The following NRXN1 variants were observed in gnomAD, a reference collection of about 807,000 sequenced individuals.
The protein encoded by NRXN1 is neurexin 1.
A neutral mutation model predicts 150.9 loss-of-function variants in NRXN1; 39 were observed. That is an observed-to-expected ratio of 0.26 (90% CI 0.20 to 0.34). The LOEUF (loss-of-function observed/expected upper bound fraction) is 0.34, where lower values mean the gene tolerates loss of function less well. Among genes scored for constraint, NRXN1 ranks in the 10% least tolerant of loss-of-function variants. The pLI is 1.00. For missense variants in NRXN1, 1,815 were observed against 1,949.9 expected, an observed-to-expected ratio of 0.93 and a Z score of 1.30; for synonymous variants, 924 against 757.0, an observed-to-expected ratio of 1.22 and a Z score of -3.62.
At chr2:50,244,280 T>C (rs1195690541) in intron 17 of NRXN1, among the ~76,000 whole-genome samples, 1 of 151,862 alleles carries the variant, frequency 6.6e-6, no homozygotes, top group Non-Finnish European at 1.5e-5. Context: ...TGACCTATCT[T>C]GTCAATATCC....
intron 15 of NRXN1, among the ~76,000 whole-genome samples, chr2:50,475,868 C>G (rs375517222): frequency 1.0e-5 from 1 of 97,614 alleles, no homozygotes; most frequent in Non-Finnish European, 2.1e-5. Flanking sequence ...CTTGAAGTGA[C>G]GGGTTTAAAA....
Position 50,971,342 on chromosome 2 carries a change from T to C in NRXN1, c.773-45387A>G, listed in dbSNP as rs556413688. On this transcript the variant is annotated intron_variant, in intron 2 of 22. Coordinates refer to ENST00000401669, the MANE Select transcript of NRXN1 (RefSeq NM_001330078.2). ...GCTCACACCTGTAATCCCAGCACTTTGGGAGGCCACAGTGGGCGGATCACA... is the reference window on the plus strand; with the variant it reads ...GCTCACACCTGTAATCCCAGCACTTCGGGAGGCCACAGTGGGCGGATCACA... Among the ~76,000 whole-genome samples, 43 of 152,226 alleles carry C rather than the reference T, an allele frequency of 2.8e-4. 1 individual carries two copies. The South Asian group carries it at 8.7e-3, about 31-fold the overall frequency.
At chr2:50,361,866 C>T (rs1161265855) in intron 17 of NRXN1, among the ~76,000 whole-genome samples, 1 of 152,158 alleles carries the variant, frequency 6.6e-6, no homozygotes, top group Non-Finnish European at 1.5e-5. Flanking sequence ...TACTGGCAAA[C>T]TGAATCCAGC....
chr2:50,964,488 T>C (rs757631492), intron 2 of NRXN1, among the ~76,000 whole-genome samples: 2 of 151,518 alleles, frequency 1.3e-5, no homozygotes, highest in African/African-American at 4.8e-5. Flanking sequence ...GATGTAAACA[T>C]TGCCTTTCCC....
chr2:50,152,617 A>AT (rs891175131), intron 18 of NRXN1, among the ~76,000 whole-genome samples: 2 of 151,604 alleles, frequency 1.3e-5, no homozygotes, highest in Non-Finnish European at 3.0e-5. Flanking sequence ...GTTTTGCTTT[A>AT]TTTTTTTATT....
At chr2:50,170,069 A>G (rs2059933895) in intron 18 of NRXN1, among the ~76,000 whole-genome samples, 1 of 151,984 alleles carries the variant, frequency 6.6e-6, no homozygotes, top group African/African-American at 2.4e-5. Context: ...CATGTATTTT[A>G]CTTCTATATA....
chr2:50,127,872 AAC>A (rs1704845871), intron 18 of NRXN1, among the ~76,000 whole-genome samples: 1 of 152,222 alleles, frequency 6.6e-6, no homozygotes, highest in East Asian at 1.9e-4. Context: ...GGAAGAGAAG[AAC>A]AGTTTTCGGC....
chr2:50,272,061 G>A (rs957510154), intron 17 of NRXN1, among the ~76,000 whole-genome samples: 2 of 152,168 alleles, frequency 1.3e-5, no homozygotes, highest in African/African-American at 4.8e-5. Flanking sequence ...TGGAATTGGG[G>A]AAATGGGTGT....
intron 18 of NRXN1, among the ~76,000 whole-genome samples, chr2:50,096,050 G>T (rs1700182109): frequency 6.7e-6 from 1 of 149,682 alleles, no homozygotes; most frequent in Admixed American, 6.8e-5. Flanking sequence ...ATGTTCAGTT[G>T]TTGCCTCAAC....
rs542706567 is a variant in NRXN1, at chr2:50,729,155, T to C, written c.833-105540A>G. Among the ~76,000 whole-genome samples the C allele has an allele frequency of 7.2e-5, 11 of 152,354 alleles. No individual in the cohort carries two copies. The South Asian group carries it at 2.3e-3, about 32-fold the overall frequency. ...AAGTTGCATTCTTATATTCTATTTC[T>C]TTTAATTTCTAATAATCATATTTTC... is the stretch of plus-strand genomic sequence containing the variant. On this transcript the variant is annotated intron_variant, in intron 5 of 22. Transcript: ENST00000401669.
chr2:50,478,722 T>C (rs10176959), intron 15 of NRXN1, among the ~76,000 whole-genome samples: 138,687 of 152,270 alleles, frequency 0.91, 63,501 homozygotes, highest in African/African-American at 0.98. Flanking sequence ...ATCATCTCCC[T>C]TGCTGTGAAA....
chr2:50,750,146 A>G (rs1700430513), intron 5 of NRXN1, among the ~76,000 whole-genome samples: 1 of 152,024 alleles, frequency 6.6e-6, no homozygotes, highest in Non-Finnish European at 1.5e-5. Flanking sequence ...ACAAACTAAA[A>G]CAATAATAAT....
intron 2 of NRXN1, among the ~76,000 whole-genome samples, chr2:50,939,938 A>G (rs1437687993): frequency 6.6e-6 from 1 of 152,180 alleles, no homozygotes; most frequent in African/African-American, 2.4e-5. Flanking sequence ...CTGTCAATTA[A>G]ATTTTTAAGA....
intron 5 of NRXN1, among the ~76,000 whole-genome samples, chr2:50,880,647 G>A (rs983935): frequency 0.076 from 11,540 of 151,924 alleles, 551 homozygotes; most frequent in Non-Finnish European, 0.1. Context: ...CAATTTGCAC[G>A]AGGTTAACAG....
At chr2:50,011,694 C>T (rs1685698722) in intron 21 of NRXN1, among the ~76,000 whole-genome samples, 1 of 152,008 alleles carries the variant, frequency 6.6e-6, no homozygotes, top group Non-Finnish European at 1.5e-5. Flanking sequence ...TAGATATATC[C>T]TTATTTGGAA....
rs369951551 is a variant in NRXN1, at chr2:50,721,020, C to T, written c.833-97405G>A. Among the ~76,000 whole-genome samples the T allele has an allele frequency of 2.3e-4, 35 of 152,256 alleles. No homozygotes were observed. In the South Asian group the frequency reaches 7.3e-3, roughly 32 times the overall value. On this transcript the variant is annotated intron_variant, in intron 5 of 22. Coordinates refer to ENST00000401669, the MANE Select transcript of NRXN1 (RefSeq NM_001330078.2). The stretch of plus-strand genomic sequence containing the variant: ...CTGGGAGTCAGAGATTCTCCTTGTT[C>T]ATCTTTGAACCTCAAAAATATGGAT...
intron 17 of NRXN1, among the ~76,000 whole-genome samples, chr2:50,396,819 T>A (rs934826896): frequency 5.5e-4 from 83 of 152,242 alleles, no homozygotes; most frequent in African/African-American, 1.9e-3. Context: ...AAACCTATCA[T>A]TAATTTTTTA....
chr2:50,507,453 G>A (rs2092283870), intron 12 of NRXN1, among the ~76,000 whole-genome samples: 1 of 152,024 alleles, frequency 6.6e-6, no homozygotes, highest in African/African-American at 2.4e-5. Flanking sequence ...AACAACAGTA[G>A]AGAGCAAGGG....
chr2:50,003,773 AC>A (rs764087016), intron 21 of NRXN1, among the ~76,000 whole-genome samples: 13 of 152,280 alleles, frequency 8.5e-5, no homozygotes, highest in Admixed American at 3.9e-4. Flanking sequence ...AATATTTCCA[AC>A]ATTTCATGAG....
Sources: allele counts gnomAD v4.1 joint callset (sites outside exome capture counted in the v4.1 genomes callset), GRCh38; gene constraint gnomAD v4.1.1; transcripts MANE v1.5; gene names NCBI Gene and HGNC (gene_info 2026-07-23, HGNC 2026-07-21).